SLC9A1: variants seen among roughly 807,000 people sequenced by gnomAD.
The protein encoded by SLC9A1 is sodium/hydrogen exchanger 1.
SLC9A1 carries 22 observed loss-of-function variants against 67.9 expected under a neutral mutation model. The observed-to-expected ratio is 0.32, with a 90% CI of 0.23 to 0.46. SLC9A1 has a LOEUF of 0.46. SLC9A1 is among the 20% of genes least tolerant of loss of function. SLC9A1 has a pLI of 1.00. For synonymous variants in SLC9A1, 421 were observed against 471.8 expected (o/e 0.89, Z 1.40); for missense variants, 686 against 1,094.8 (o/e 0.63, Z 5.27).
At chr1:27,108,063 T>C (rs1446375232) in intron 3 of SLC9A1, among the ~76,000 whole-genome samples, 198 bp from the exon 4 acceptor site, 3 of 126,374 alleles carry the variant, frequency 2.4e-5, no homozygotes, top group Admixed American at 7.6e-5. Flanking sequence ...TATTCCTCCA[T>C]TTTTTTTTTT....
rs2083552808 is a variant in SLC9A1, at chr1:27,154,460, A to G, written c.-126T>C. 1.7e-6 allele frequency: 1 copy of G among 581,082 alleles called. No individual in the cohort carries two copies. Among genetic ancestry groups the G allele is most frequent in the East Asian group, 3.2e-5 (1 of 31,392 alleles). 36.0% of individuals were successfully genotyped at this position (581,082 alleles called of 1,614,324 possible). Reference sequence around the variant, plus strand: ...TCTCTAGGAAAAGTTCATGTTTTAGAGAGGCATTTCCATGGAAGCAATTTT... The same window carrying G: ...TCTCTAGGAAAAGTTCATGTTTTAGGGAGGCATTTCCATGGAAGCAATTTT... On this transcript the variant is annotated 5_prime_UTR_variant, in exon 1 of 12. Coordinates refer to ENST00000263980, the MANE Select transcript of SLC9A1 (RefSeq NM_003047.5).
At position 27,118,543 on chromosome 1, in the gene SLC9A1, C is replaced by T. The variant is rs2083286039; in HGVS notation, c.353-4257G>A. Among the ~76,000 whole-genome samples, 1 of 152,158 alleles carries T rather than the reference C, an allele frequency of 6.6e-6. No individual in the cohort carries two copies. Among genetic ancestry groups the T allele is most frequent in the African/African-American group, 2.4e-5 (1 of 41,436 alleles). On this transcript the variant is annotated intron_variant, in intron 1 of 11. Coordinates refer to ENST00000263980, the MANE Select transcript of SLC9A1 (RefSeq NM_003047.5). The surrounding 1 kb of genome is among the most constrained non-coding windows in gnomAD (Gnocchi z 4.3). ...CTGACACCCGGTGTGGTGAAAGGGG[C>T]ACAGAAGGATGGCTGCGGCCCCTGG...
intron 1 of SLC9A1, among the ~76,000 whole-genome samples, chr1:27,148,623 T>A (rs375389607): frequency 2.0e-5 from 3 of 152,084 alleles, no homozygotes; most frequent in East Asian, 1.9e-4. Context: ...GATGAACACA[T>A]CAATACCACA....
At position 27,118,939 on chromosome 1, in the gene SLC9A1, C is replaced by T. The variant is rs2083288828; in HGVS notation, c.353-4653G>A. On this transcript the variant is annotated intron_variant, in intron 1 of 11. Transcript: ENST00000263980. The surrounding 1 kb of genome is among the most constrained non-coding windows in gnomAD (Gnocchi z 4.3). ...CAACATCTCCAAGCACAGCCACAGGCCAAACCCTCTGACACAGTTCAGAGT... is the reference window on the plus strand; with the variant it reads ...CAACATCTCCAAGCACAGCCACAGGTCAAACCCTCTGACACAGTTCAGAGT... Among the ~76,000 whole-genome samples the T allele has an allele frequency of 6.6e-6, 1 of 151,926 alleles. No homozygotes were observed. Among genetic ancestry groups the T allele is most frequent in the Non-Finnish European group, 1.5e-5 (1 of 67,996 alleles).
At chr1:27,144,495 G>A (rs1030385844) in intron 1 of SLC9A1, among the ~76,000 whole-genome samples, 21 of 152,168 alleles carry the variant, frequency 1.4e-4, no homozygotes, top group Admixed American at 3.3e-4. Context: ...TGTGAGTGTC[G>A]CTCCCAGCGA....
At position 27,119,040 on chromosome 1, in the gene SLC9A1, C is replaced by T. The variant is rs1012157445; in HGVS notation, c.353-4754G>A. On this transcript the variant is annotated intron_variant, in intron 1 of 11. Coordinates refer to ENST00000263980, the MANE Select transcript of SLC9A1 (RefSeq NM_003047.5). ...TATCTAGTGTAGGTGGTAGCTGGAA[C>T]GAACACACACACACACACACACACA... Among the ~76,000 whole-genome samples the T allele has an allele frequency of 2.6e-5, 3 of 117,248 alleles. No individual in the cohort carries two copies. In the South Asian group the frequency reaches 8.5e-4, roughly 33 times the overall value. 76.9% of individuals were successfully genotyped at this position (117,248 alleles called of 152,430 possible). A position where few individuals can be genotyped will look rare whatever the true frequency, so the allele number is the denominator to read the frequency against.
intron 1 of SLC9A1, among the ~76,000 whole-genome samples, chr1:27,150,552 C>T (rs149578305): frequency 1.3e-5 from 2 of 152,218 alleles, no homozygotes; most frequent in South Asian, 4.1e-4. Flanking sequence ...GGGAATGCAC[C>T]TAACTCCTAA....
At chr1:27,124,151 C>A (rs533510592) in intron 1 of SLC9A1, among the ~76,000 whole-genome samples, 49 of 152,144 alleles carry the variant, frequency 3.2e-4, no homozygotes, top group Non-Finnish European at 5.9e-4. Flanking sequence ...ATCAGGTGCT[C>A]CAGGTACCAG....
At chr1:27,117,657 T>A (rs2083280350) in intron 1 of SLC9A1, among the ~76,000 whole-genome samples, 1 of 152,142 alleles carries the variant, frequency 6.6e-6, no homozygotes, top group Non-Finnish European at 1.5e-5. Context: ...AGAACTGTGC[T>A]GGGAGCCTGG....
At position 27,118,067 on chromosome 1, in the gene SLC9A1, T is replaced by A. The variant is rs893027215; in HGVS notation, c.353-3781A>T. ...TGCACTCAGCCAGGCCAACCAGGAC[T>A]GGGTCCCGGGCCTCCTGACTACAGC... is the stretch of plus-strand genomic sequence containing the variant. On this transcript the variant is annotated intron_variant, in intron 1 of 11. Coordinates refer to ENST00000263980, the MANE Select transcript of SLC9A1 (RefSeq NM_003047.5). This position sits in a 1 kb window ranked among gnomAD's most constrained non-coding sequence, Gnocchi z 4.3. 3.3e-5 allele frequency among the ~76,000 whole-genome samples: 5 copies of A among 152,186 alleles called. No individual in the cohort carries two copies. The highest frequency in any genetic ancestry group is 3.3e-4 in the Admixed American group (5 of 15,280).
intron 1 of SLC9A1, among the ~76,000 whole-genome samples, chr1:27,131,931 A>C (rs2083387125): frequency 1.7e-5 from 1 of 60,222 alleles, no homozygotes; most frequent in Non-Finnish European, 3.3e-5. Context: ...AAAAAGAAGA[A>C]GAAGAAGAAA....
At chr1:27,102,912 C>T in intron 6 of SLC9A1, 169 bp from the exon 7 acceptor site, 1 of 657,400 alleles carries the variant, frequency 1.5e-6, no homozygotes, top group South Asian at 1.8e-5. Context: ...AACCCAGCGG[C>T]CCTGACTCTG....
chr1:27,115,158 A>C (rs1355183207), intron 1 of SLC9A1, among the ~76,000 whole-genome samples: 1 of 152,156 alleles, frequency 6.6e-6, no homozygotes, highest in Non-Finnish European at 1.5e-5. Flanking sequence ...CAAACTGCAC[A>C]GTTCTGTAAT....
intron 1 of SLC9A1, among the ~76,000 whole-genome samples, chr1:27,152,923 C>T (rs528516152): frequency 2.5e-4 from 38 of 152,270 alleles, no homozygotes; most frequent in Admixed American, 1.6e-3. Flanking sequence ...GGACCTCATG[C>T]CTTCCACAGC....
chr1:27,149,283 T>C (rs2124216939), intron 1 of SLC9A1, among the ~76,000 whole-genome samples: 1 of 152,332 alleles, frequency 6.6e-6, no homozygotes, highest in South Asian at 2.1e-4. Flanking sequence ...TAGCAGGCTA[T>C]GCCAAGACTC....
rs540443755 is a variant in SLC9A1 at position 27,128,897 on chromosome 1, C to T, written c.353-14611G>A. 2.0e-5 allele frequency among the ~76,000 whole-genome samples: 3 copies of T among 151,938 alleles called. No individual in the cohort carries two copies. In the East Asian group the frequency reaches 5.8e-4, roughly 30 times the overall value. On this transcript the variant is annotated intron_variant, in intron 1 of 11. Coordinates refer to ENST00000263980, the MANE Select transcript of SLC9A1 (RefSeq NM_003047.5). ...ACTTGAACCCAGGAGGTGGAGGTTG[C>T]AGTGAGCCGAGATCCTCACGCCATT...
intron 1 of SLC9A1, among the ~76,000 whole-genome samples, chr1:27,134,664 T>C (rs2083407096): frequency 6.6e-6 from 1 of 152,224 alleles, no homozygotes; most frequent in African/African-American, 2.4e-5. Context: ...AGCTGTTCTC[T>C]TGATGCCGAT....
chr1:27,140,474 A>G (rs1317726742), intron 1 of SLC9A1, among the ~76,000 whole-genome samples: 1 of 151,618 alleles, frequency 6.6e-6, no homozygotes, highest in African/African-American at 2.4e-5. Context: ...GCTTGACCCC[A>G]CCCTCACCTC....
At chr1:27,133,825 C>T (rs1256897185) in intron 1 of SLC9A1, among the ~76,000 whole-genome samples, 6 of 149,740 alleles carry the variant, frequency 4.0e-5, no homozygotes, top group Non-Finnish European at 7.4e-5. Flanking sequence ...AGTGCAGTGG[C>T]GCGATCTCGG....
Sources: allele counts gnomAD v4.1 joint callset (sites outside exome capture counted in the v4.1 genomes callset), GRCh38; gene constraint gnomAD v4.1.1; non-coding constraint Gnocchi (gnomAD v3.1); transcripts MANE v1.5; gene names NCBI Gene and HGNC (gene_info 2026-07-23, HGNC 2026-07-21).